ITIH2: variants seen among roughly 807,000 people sequenced by gnomAD.
ITIH2 encodes the protein inter-alpha-trypsin inhibitor heavy chain H2.
Under a neutral mutation model 104.4 loss-of-function variants are expected in ITIH2, and 103 were observed. The ratio of observed to expected loss-of-function variants is 0.99; its 90% CI spans 0.84 to 1.16. The LOEUF (loss-of-function observed/expected upper bound fraction) is 1.16, where lower values mean the gene tolerates loss of function less well. Among genes scored for constraint, ITIH2 ranks in the 50% most tolerant of loss-of-function variants. The pLI is 0.00. For missense variants in ITIH2, 1,108 were observed against 1,162.4 expected, an observed-to-expected ratio of 0.95 and a Z score of 0.68; for synonymous variants, 436 against 435.4, an observed-to-expected ratio of 1.00 and a Z score of -0.02.
chr10:7,746,607 G>A lies in ITIH2; in HGVS notation c.2596G>A (p.Glu866Lys). The stretch of plus-strand genomic sequence containing the variant: ...TGTTTTGCTAGGCCAGTTCATGCAG[G>A]AACCAAAGATACACATCTTCAATGA... The part of the protein sequence containing the change: ...AHGLIGQFMQ[E>K]PKIHIFNERP... Residue 866 changes from glutamate (E) to lysine (K), a missense_variant, in exon 20 of 21, where the codon GAA becomes AAA. Transcript: ENST00000358415. 1.2e-6 allele frequency: 2 copies of A among 1,612,482 alleles called. No homozygotes were observed. Among genetic ancestry groups the A allele is most frequent in the Non-Finnish European group, 1.7e-6 (2 of 1,178,682 alleles).
At chr10:7,713,942 G>T (rs898512289) in intron 5 of ITIH2, among the ~76,000 whole-genome samples, 5 of 152,022 alleles carry the variant, frequency 3.3e-5, no homozygotes, top group Non-Finnish European at 7.4e-5. Context: ...TCCCATGTCA[G>T]CCTCCCAAAG....
chr10:7,732,216 C>G, intron 13 of ITIH2, 122 bp from the exon 14 acceptor site: 1 of 1,182,592 alleles, frequency 8.5e-7, no homozygotes. Context: ...TTCCTTCCTC[C>G]GTAGGCTTTG....
chr10:7,743,973 TATA>T (rs1417910327), intron 17 of ITIH2, 106 bp from the exon 18 acceptor site: 3 of 665,142 alleles, frequency 4.5e-6, no homozygotes, highest in African/African-American at 1.8e-5. Context: ...GAAGCAAAAT[TATA>T]ATAATTTTCC....
intron 8 of ITIH2, 102 bp downstream of exon 8, chr10:7,721,879 G>A (rs1028787025): frequency 3.9e-6 from 5 of 1,298,040 alleles, no homozygotes; most frequent in Admixed American, 4.1e-5. Context: ...AGCTGCCAGG[G>A]CAAGTGTTTC....
chr10:7,737,653 T>TTATATTC (rs1431152328), intron 15 of ITIH2, among the ~76,000 whole-genome samples: 2 of 84,558 alleles, frequency 2.4e-5, no homozygotes, highest in Non-Finnish European at 3.9e-5. Context: ...ATATTCTATA[T>TTATATTC]TATATTCTAT....
At chr10:7,708,922 A>G in intron 3 of ITIH2, 100 bp from the exon 4 acceptor site, 1 of 1,002,894 alleles carries the variant, frequency 1.0e-6, no homozygotes, top group South Asian at 1.4e-5. Context: ...TGCTAGTAAA[A>G]CAAGTAAAAT....
At chr10:7,745,385 C>A (rs1029808629) in intron 19 of ITIH2, among the ~76,000 whole-genome samples, 3 of 152,068 alleles carry the variant, frequency 2.0e-5, no homozygotes, top group African/African-American at 7.2e-5. Context: ...GCTATACTCT[C>A]AGGTGCTCAC....
chr10:7,717,738 T>C lies in ITIH2; in HGVS notation c.580T>C (p.Tyr194His). 1.2e-6 allele frequency: 2 copies of C among 1,613,110 alleles called. No individual in the cohort carries two copies. Among genetic ancestry groups the C allele is most frequent in the Non-Finnish European group, 8.5e-7 (1 of 1,179,988 alleles). ...QEVKWRKLGS[Y>H]EHRIYLQPGR... ...GGTGAAGTGGAGGAAGCTGGGCTCCTATGAGCACAGGATCTATCTGCAACC... is the reference window on the plus strand; with the variant it reads ...GGTGAAGTGGAGGAAGCTGGGCTCCCATGAGCACAGGATCTATCTGCAACC... The change falls in exon 6 of 21, where the codon TAT becomes CAT. Residue 194 changes from tyrosine (Y) to histidine (H), a missense_variant. Coordinates refer to ENST00000358415, the MANE Select transcript of ITIH2 (RefSeq NM_002216.3).
intron 12 of ITIH2, among the ~76,000 whole-genome samples, chr10:7,730,930 G>T (rs531294578): frequency 6.6e-6 from 1 of 152,018 alleles, no homozygotes; most frequent in Admixed American, 6.6e-5. Context: ...TGACAAGTAC[G>T]TTCAATGGCA....
chr10:7,718,734 T>A (rs138212290), intron 6 of ITIH2, among the ~76,000 whole-genome samples: 176 of 152,298 alleles, frequency 1.2e-3, no homozygotes, highest in Middle Eastern at 3.4e-3. Context: ...TGTGTCCATG[T>A]GTACTCAATG....
chr10:7,719,619 G>A (rs1353784039), intron 6 of ITIH2, among the ~76,000 whole-genome samples: 4 of 151,754 alleles, frequency 2.6e-5, no homozygotes, highest in Non-Finnish European at 5.9e-5. Flanking sequence ...AAATTAGCCA[G>A]GCATGGTGGT....
At chr10:7,737,653 T>TTC (rs1395381527) in intron 15 of ITIH2, among the ~76,000 whole-genome samples, 1 of 84,558 alleles carries the variant, frequency 1.2e-5, no homozygotes, top group African/African-American at 6.1e-5. Flanking sequence ...ATATTCTATA[T>TTC]TATATTCTAT....
intron 2 of ITIH2, among the ~76,000 whole-genome samples, chr10:7,706,151 T>A (rs577194740): frequency 1.3e-5 from 2 of 152,298 alleles, no homozygotes; most frequent in African/African-American, 4.8e-5. Context: ...TAAAATCCAA[T>A]AAGCAAGACT....
At chr10:7,713,582 A>G (rs1437933621) in intron 5 of ITIH2, among the ~76,000 whole-genome samples, 1 of 152,272 alleles carries the variant, frequency 6.6e-6, no homozygotes, top group Non-Finnish European at 1.5e-5. Context: ...GAGAAACTAC[A>G]GAAATATTGG....
intron 10 of ITIH2, 116 bp from the exon 11 acceptor site, chr10:7,727,587 G>T: frequency 8.3e-7 from 1 of 1,199,010 alleles, no homozygotes; most frequent in Non-Finnish European, 1.2e-6. Flanking sequence ...AAATGATTTT[G>T]GCATGGAATA....
chr10:7,714,327 A>T (rs752822143), intron 5 of ITIH2, among the ~76,000 whole-genome samples: 1 of 151,732 alleles, frequency 6.6e-6, no homozygotes, highest in Non-Finnish European at 1.5e-5. Context: ...ACCCATCACC[A>T]TGCCCGGCTA....
At chr10:7,706,170 C>T (rs916137202) in intron 2 of ITIH2, among the ~76,000 whole-genome samples, 11 of 152,126 alleles carry the variant, frequency 7.2e-5, no homozygotes, top group African/African-American at 2.7e-4. Flanking sequence ...CTTCATGTCA[C>T]AATTTATTTA....
At chr10:7,715,551 G>C (rs750619216) in intron 5 of ITIH2, among the ~76,000 whole-genome samples, 2 of 152,122 alleles carry the variant, frequency 1.3e-5, no homozygotes, top group Non-Finnish European at 2.9e-5. Context: ...ATACGGCAGG[G>C]AACGCAGAGC....
In ITIH2 at chr10:7,717,787, AG is replaced by A; in HGVS notation, c.630+1del. On this transcript the variant is annotated frameshift_variant and splice_region_variant, in exon 6 of 21. Coordinates refer to ENST00000358415, the MANE Select transcript of ITIH2 (RefSeq NM_002216.3). LOFTEE classifies it high-confidence loss of function. ...CCTGGACGGCTGGCCAAACACTTAG[AG>A]GTAAGCCTGGATCTGTAGGGTGGGC... ...LQPGRLAKHL[E>X]VDVWVIEPQG... is the part of the protein sequence containing the mutation. 6.2e-7 allele frequency: 1 copy of A among 1,607,418 alleles called. No homozygotes were observed. Among genetic ancestry groups the A allele is most frequent in the South Asian group, 1.1e-5 (1 of 90,882 alleles).
Sources: gnomAD v4.1 joint callset for allele counts (sites outside exome capture counted in the v4.1 genomes callset) on GRCh38, gnomAD v4.1.1 for gene constraint, MANE v1.5 for transcripts, NCBI Gene and HGNC (gene_info 2026-07-23, HGNC 2026-07-21) for gene names.